The following GRIK2 variants were observed in gnomAD, a reference collection of about 807,000 sequenced individuals.
GRIK2 encodes the protein glutamate receptor ionotropic, kainate 2.
In GRIK2, 32 loss-of-function variants were observed where a neutral mutation model predicts 100.3. That is an observed-to-expected ratio of 0.32 (90% confidence interval 0.24 to 0.43). The LOEUF (loss-of-function observed/expected upper bound fraction) is 0.43. Among genes scored for constraint, GRIK2 ranks in the 20% least tolerant of loss-of-function variants. The probability of loss-of-function intolerance (pLI) is 1.00; values close to 1 mark genes in which losing one functional copy is unlikely to be tolerated. For synonymous variants in GRIK2, 417 were observed against 389.4 expected (o/e 1.07, Z -0.83); for missense variants, 843 against 1,114.9 (o/e 0.76, Z 3.47).
chr6:101,397,259 G>A (rs952559425), intron 1 of GRIK2, among the ~76,000 whole-genome samples: 1 of 151,984 alleles, frequency 6.6e-6, no homozygotes, highest in South Asian at 2.1e-4. Context: ...TTTTTCCCCT[G>A]GCAGTCATTA....
At chr6:101,925,373 G>A (rs909962218) in intron 13 of GRIK2, among the ~76,000 whole-genome samples, 1 of 150,134 alleles carries the variant, frequency 6.7e-6, no homozygotes, top group Non-Finnish European at 1.5e-5. Flanking sequence ...GTACTAATAC[G>A]TCTTAATGGT....
intron 4 of GRIK2, among the ~76,000 whole-genome samples, chr6:101,639,133 G>C (rs992072635): frequency 6.6e-6 from 1 of 152,038 alleles, no homozygotes; most frequent in Non-Finnish European, 1.5e-5. Flanking sequence ...CCCACCTTCC[G>C]GATTCAAGCT....
intron 9 of GRIK2, among the ~76,000 whole-genome samples, chr6:101,816,528 T>C (rs1214834858): frequency 3.3e-5 from 5 of 151,836 alleles, no homozygotes; most frequent in African/African-American, 1.2e-4. Flanking sequence ...TACAAAATAC[T>C]AAAAATACAA....
At chr6:101,914,500 C>T (rs989784411) in intron 12 of GRIK2, among the ~76,000 whole-genome samples, 4 of 151,482 alleles carry the variant, frequency 2.6e-5, no homozygotes, top group African/African-American at 4.8e-5. Flanking sequence ...AATAGGCTAG[C>T]TGTATATTAG....
In GRIK2 at chr6:101,836,898, C is replaced by T. The variant is rs545703222; in HGVS notation, c.1317+18415C>T. Among the ~76,000 whole-genome samples the T allele has an allele frequency of 7.2e-5, 11 of 151,726 alleles. No homozygotes were observed. The East Asian group carries it at 1.8e-3, about 24-fold the overall frequency. ...CCAGGCTGGTCTTGAACTCCTGACCCTTTGATCTGCCCTCCTCGGCCTCCC... is the reference window on the plus strand; with the variant it reads ...CCAGGCTGGTCTTGAACTCCTGACCTTTTGATCTGCCCTCCTCGGCCTCCC... On this transcript the variant is annotated intron_variant, in intron 10 of 16. Transcript: ENST00000369134.
intron 11 of GRIK2, among the ~76,000 whole-genome samples, chr6:101,882,753 AG>A (rs1482847322): frequency 2.0e-5 from 3 of 152,160 alleles, no homozygotes; most frequent in Admixed American, 6.6e-5. Context: ...AATACATATT[AG>A]ATTTTGTATA....
intron 2 of GRIK2, among the ~76,000 whole-genome samples, chr6:101,570,047 A>G (rs994879036): frequency 3.3e-5 from 5 of 152,090 alleles, no homozygotes; most frequent in South Asian, 2.1e-4. Flanking sequence ...AATGGCTATG[A>G]TGCTTGAAAC....
intron 11 of GRIK2, among the ~76,000 whole-genome samples, chr6:101,879,834 C>T (rs1786122821): frequency 1.3e-5 from 2 of 151,864 alleles, no homozygotes; most frequent in South Asian, 4.2e-4. Flanking sequence ...CAGAAGTTCA[C>T]TTTCAAATGG....
intron 4 of GRIK2, among the ~76,000 whole-genome samples, chr6:101,657,417 C>A (rs1769274509): frequency 6.6e-6 from 1 of 152,152 alleles, no homozygotes; most frequent in Non-Finnish European, 1.5e-5. Context: ...GTCAATTAAA[C>A]CTCTTTCCTT....
chr6:101,400,655 C>T (rs776237582), intron 2 of GRIK2, among the ~76,000 whole-genome samples: 12 of 152,158 alleles, frequency 7.9e-5, no homozygotes, highest in Non-Finnish European at 1.5e-4. Flanking sequence ...TCCTGTCTTT[C>T]CATTTTACCA....
intron 7 of GRIK2, among the ~76,000 whole-genome samples, chr6:101,707,026 C>A (rs866207480): frequency 4.6e-5 from 7 of 151,816 alleles, no homozygotes; most frequent in Middle Eastern, 3.4e-3. Context: ...CCCTAATAGG[C>A]CATGTCCTAT....
intron 7 of GRIK2, among the ~76,000 whole-genome samples, chr6:101,763,161 AGGGTCTT>A (rs978672622): frequency 6.6e-6 from 1 of 152,214 alleles, no homozygotes; most frequent in Non-Finnish European, 1.5e-5. Flanking sequence ...GTACAGATTG[AGGGTCTT>A]GGCAGAAAAT....
chr6:101,523,176 A>T (rs1562199302), intron 2 of GRIK2, among the ~76,000 whole-genome samples: 4 of 152,094 alleles, frequency 2.6e-5, no homozygotes, highest in Admixed American at 2.6e-4. Flanking sequence ...ATCTCTCAGT[A>T]TAAGTAAGAG....
At chr6:101,843,494 T>G (rs1783634469) in intron 10 of GRIK2, among the ~76,000 whole-genome samples, 1 of 152,178 alleles carries the variant, frequency 6.6e-6, no homozygotes, top group Non-Finnish European at 1.5e-5. Flanking sequence ...TTTGACCAGC[T>G]AAATAATTTC....
intron 14 of GRIK2, among the ~76,000 whole-genome samples, chr6:101,989,816 A>G (rs1370022551): frequency 1.3e-5 from 2 of 151,564 alleles, no homozygotes; most frequent in Middle Eastern, 3.2e-3. Flanking sequence ...TATGCAATAA[A>G]TATTAGTTTC....
intron 14 of GRIK2, among the ~76,000 whole-genome samples, chr6:102,000,005 A>C (rs1794851263): frequency 6.6e-6 from 1 of 152,038 alleles, no homozygotes; most frequent in Admixed American, 6.6e-5. Flanking sequence ...TCCTGAGATA[A>C]ACTCAAATTG....
At chr6:101,497,242 A>T (rs1773494826) in intron 2 of GRIK2, among the ~76,000 whole-genome samples, 1 of 151,966 alleles carries the variant, frequency 6.6e-6, no homozygotes. Flanking sequence ...GGAATTCTGT[A>T]CTCACCCTTC....
chr6:101,706,314 A>G (rs1017920578), intron 7 of GRIK2, among the ~76,000 whole-genome samples: 2 of 151,976 alleles, frequency 1.3e-5, no homozygotes, highest in Non-Finnish European at 2.9e-5. Context: ...AGGTGCCATC[A>G]CAGTCTAAAA....
intron 9 of GRIK2, among the ~76,000 whole-genome samples, chr6:101,803,843 C>T (rs912367003): frequency 5.9e-5 from 9 of 151,866 alleles, no homozygotes; most frequent in South Asian, 2.1e-4. Context: ...CTTACAGATA[C>T]GCCTGAATAT....
Sources: allele counts gnomAD v4.1 joint callset (sites outside exome capture counted in the v4.1 genomes callset), GRCh38; gene constraint gnomAD v4.1.1; transcripts MANE v1.5; gene names NCBI Gene and HGNC (gene_info 2026-07-23, HGNC 2026-07-21).